Variants in ZNF860 observed in about 807,000 individuals in gnomAD.
The protein encoded by ZNF860 is zinc finger protein 860.
For missense variants in ZNF860, 641 were observed against 759.2 expected (o/e 0.84, Z 1.83); for synonymous variants, 206 against 248.9 (o/e 0.83, Z 1.62).
the ZNF860 span, among the ~76,000 whole-genome samples, chr3:32,000,124 T>C: frequency 6.6e-6 from 1 of 152,178 alleles, no homozygotes; most frequent in Non-Finnish European, 1.5e-5. Flanking sequence ...ACCAGCTTAT[T>C]CTATTTGAGG....
At chr3:32,004,090 A>G in the ZNF860 span, among the ~76,000 whole-genome samples, 1 of 152,180 alleles carries the variant, frequency 6.6e-6, no homozygotes, top group Non-Finnish European at 1.5e-5. Flanking sequence ...AAAGAATTTT[A>G]AATTATTGAA....
chr3:31,989,646 T>C lies in ZNF860; in HGVS notation c.567T>C (p.Val189=). Residue 189 remains valine (V), a synonymous_variant, in exon 2 of 2, where the codon GTT becomes GTC. Transcript: ENST00000360311. ...VEKSINDASS[V]LTSQRISSRP... ...AGTCTATCAACGATGCTTCCTCAGT[T>C]CTAACGTCCCAAAGAATTTCTTCTA... is the stretch of plus-strand genomic sequence containing the variant. 1 of 1,614,166 alleles carries C rather than the reference T, an allele frequency of 6.2e-7. No individual in the cohort carries two copies. Among genetic ancestry groups the C allele is most frequent in the Non-Finnish European group, 8.5e-7 (1 of 1,180,026 alleles).
the ZNF860 span, among the ~76,000 whole-genome samples, chr3:31,998,492 A>G: frequency 6.6e-6 from 1 of 152,178 alleles, no homozygotes; most frequent in African/African-American, 2.4e-5. Context: ...CTTCACAACT[A>G]CTGTATATTA....
At chr3:31,999,564 T>C in the ZNF860 span, among the ~76,000 whole-genome samples, 2 of 152,006 alleles carry the variant, frequency 1.3e-5, no homozygotes, top group Non-Finnish European at 2.9e-5. Context: ...TTCTCCATGT[T>C]TTTTTAGGCT....
chr3:31,989,869 G>A lies in ZNF860; in HGVS notation c.790G>A (p.Gly264Ser). Reference sequence around the variant, plus strand: ...GAAACAATATAAATGTGATGTATGTGGCAAGGTCTTTAATCAGAAGCGATA... The same window carrying A: ...GAAACAATATAAATGTGATGTATGTAGCAAGGTCTTTAATCAGAAGCGATA... ...GGKQYKCDVC[G>S]KVFNQKRYLA... The change falls in exon 2 of 2, where the codon GGC becomes AGC. Residue 264 changes from glycine to serine, a missense_variant. By Grantham distance (56) the Gly-to-Ser change is moderately conservative. Coordinates refer to ENST00000360311, the MANE Select transcript of ZNF860 (RefSeq NM_001137674.3). 9 of 1,614,104 alleles carry A rather than the reference G, an allele frequency of 5.6e-6. No homozygotes were observed. The highest frequency in any genetic ancestry group is 7.6e-6 in the Non-Finnish European group (9 of 1,180,032).
At chr3:32,005,061 C>A in the ZNF860 span, among the ~76,000 whole-genome samples, 1 of 151,998 alleles carries the variant, frequency 6.6e-6, no homozygotes, top group Non-Finnish European at 1.5e-5. Flanking sequence ...TCACTCAACA[C>A]TTTTTTTTAT....
rs775230936 is a variant in ZNF860 at position 31,990,388 on chromosome 3, C to T, written c.1309C>T (p.Arg437Cys). 9.3e-6 allele frequency: 15 copies of T among 1,613,918 alleles called. No individual in the cohort carries two copies. Among genetic ancestry groups the T allele is most frequent in the Admixed American group, 5.0e-5 (3 of 59,994 alleles). ...TAATAAATGTGGCAAATTTTTTAGA[C>T]GTCGTTCATATCTCGTAGTTCATTG... ...KCNKCGKFFR[R>C]RSYLVVHWRT... The change falls in exon 2 of 2, where the codon CGT (arginine) becomes TGT (cysteine). Residue 437 changes from arginine to cysteine, a missense_variant. Arg to Cys is a radical substitution (Grantham distance 180). Transcript: ENST00000360311.
the ZNF860 span, among the ~76,000 whole-genome samples, chr3:31,999,359 C>CTTTT: frequency 1.0e-4 from 13 of 125,842 alleles, no homozygotes; most frequent in African/African-American, 2.2e-4. Flanking sequence ...ATATCAAAAT[C>CTTTT]TTTTTTTTTT....
At position 31,991,692 on chromosome 3, in the gene ZNF860, C is replaced by T. The variant is rs1396603860; in HGVS notation, c.*714C>T. 6.2e-6 allele frequency: 1 copy of T among 161,588 alleles called. No individual in the cohort carries two copies. Among genetic ancestry groups the T allele is most frequent in the African/African-American group, 2.4e-5 (1 of 41,340 alleles). 10.0% of individuals were successfully genotyped at this position (161,588 alleles called of 1,614,324 possible). On this transcript the variant is annotated 3_prime_UTR_variant, in exon 2 of 2. Transcript: ENST00000360311. ...AGATCATGTCATCTACAAACAAATACAATTTTACTTCTTTCTTTCTGAAAA... is the reference window on the plus strand; with the variant it reads ...AGATCATGTCATCTACAAACAAATATAATTTTACTTCTTTCTTTCTGAAAA...
downstream of ZNF860, among the ~76,000 whole-genome samples, chr3:31,992,257 T>C (rs575454675): frequency 8.5e-5 from 13 of 152,278 alleles, no homozygotes; most frequent in South Asian, 2.3e-3. Flanking sequence ...ATATAGTCAC[T>C]TGATTTTGAC....
the ZNF860 span, among the ~76,000 whole-genome samples, chr3:32,001,165 T>C: frequency 1.3e-5 from 2 of 152,154 alleles, no homozygotes; most frequent in African/African-American, 4.8e-5. Context: ...AGCTCCCTCA[T>C]TGTTTCAGGT....
In ZNF860 at chr3:31,990,907, A is replaced by G. The variant is rs769817819; in HGVS notation, c.1828A>G (p.Ile610Val). ...AGCCTTTACTTCACATTCACATCGC[A>G]TTAGACATCAGAGAATCCATACCGG... Reference protein sequence around the residue: ...GKAFTSHSHRIRHQRIHTGQK... With the variant: ...GKAFTSHSHRVRHQRIHTGQK... The change falls in exon 2 of 2, where the codon ATT becomes GTT. Residue 610 changes from isoleucine to valine, a missense_variant. Transcript: ENST00000360311. The G allele has an allele frequency of 4.9e-5, 77 of 1,574,406 alleles. No individual in the cohort carries two copies. In the South Asian group the frequency reaches 6.8e-4, roughly 14 times the overall value.
At chr3:31,984,006 A>C (rs901965086) in intron 1 of ZNF860, among the ~76,000 whole-genome samples, 1 of 151,776 alleles carries the variant, frequency 6.6e-6, no homozygotes, top group African/African-American at 2.4e-5. Context: ...TCTCCCTGAA[A>C]ATTCAGAGCC....
rs540366264 is a variant in ZNF860, at chr3:31,989,923, G to A, written c.844G>A (p.Gly282Ser). ...YLACHHRCHT[G>S]EKPYKCNECG... ...TGCATGCCATCATAGATGTCACACT[G>A]GTGAGAAACCTTACAAGTGTAATGA... Residue 282 changes from glycine to serine, a missense_variant, in exon 2 of 2, where the codon GGT becomes AGT. Transcript: ENST00000360311. 5 of 1,614,006 alleles carry A rather than the reference G, an allele frequency of 3.1e-6. No homozygotes were observed. The highest frequency in any genetic ancestry group is 4.2e-6 in the Non-Finnish European group (5 of 1,180,008).
chr3:32,003,332 C>A, the ZNF860 span, among the ~76,000 whole-genome samples: 3 of 152,162 alleles, frequency 2.0e-5, no homozygotes, highest in African/African-American at 7.2e-5. Context: ...AGGCAAGTAG[C>A]CCCCAGAGGG....
At chr3:32,004,467 C>T in the ZNF860 span, among the ~76,000 whole-genome samples, 1 of 152,168 alleles carries the variant, frequency 6.6e-6, no homozygotes, top group Non-Finnish European at 1.5e-5. Context: ...GAAGAGAAGA[C>T]AAGAAAGGGG....
chr3:32,001,699 C>T, the ZNF860 span, among the ~76,000 whole-genome samples: 1 of 151,786 alleles, frequency 6.6e-6, no homozygotes, highest in African/African-American at 2.4e-5. Context: ...TTTAAAAAGG[C>T]TAGTCATTGC....
Position 31,989,455 on chromosome 3 carries a change from G to A in ZNF860, c.376G>A (p.Ala126Thr), listed in dbSNP as rs1459093740. 2.5e-6 allele frequency: 4 copies of A among 1,614,210 alleles called. No homozygotes were observed. The African/African-American group carries it at 5.3e-5, about 22-fold the overall frequency. ...WQEDKRNSHE[A>T]TMTQIKKLTG... The stretch of plus-strand genomic sequence containing the variant: ...AGAAGACAAAAGAAATAGCCATGAA[G>A]CAACTATGACACAAATCAAAAAGTT... The change falls in exon 2 of 2, where the codon GCA becomes ACA. Residue 126 changes from alanine (A) to threonine (T), a missense_variant. Ala to Thr is a moderately conservative substitution (Grantham distance 58, BLOSUM62 0). Coordinates refer to ENST00000360311, the MANE Select transcript of ZNF860 (RefSeq NM_001137674.3).
intron 1 of ZNF860, among the ~76,000 whole-genome samples, chr3:31,985,444 T>C (rs1463600750): frequency 6.6e-6 from 1 of 152,164 alleles, no homozygotes; most frequent in Non-Finnish European, 1.5e-5. Flanking sequence ...ATAAACACAT[T>C]ATACCTCTTG....
Sources: allele counts gnomAD v4.1 joint callset (sites outside exome capture counted in the v4.1 genomes callset), GRCh38; gene constraint gnomAD v4.1.1; transcripts MANE v1.5; gene names NCBI Gene and HGNC (gene_info 2026-07-23, HGNC 2026-07-21).